The following VGLL4 variants were observed in gnomAD, a reference collection of about 807,000 sequenced individuals.
VGLL4 encodes the protein transcription cofactor vestigial-like protein 4.
VGLL4 carries 7 observed loss-of-function variants against 21.0 expected under a neutral mutation model. The ratio of observed to expected loss-of-function variants is 0.33; its 90% CI spans 0.19 to 0.63. The LOEUF is 0.63. Ranked by LOEUF, VGLL4 falls within the 20% of genes least tolerant of loss-of-function variation. The pLI is 0.78. For missense variants in VGLL4, 394 were observed against 425.7 expected (o/e 0.93, Z 0.66); for synonymous variants, 222 against 173.2 (o/e 1.28, Z -2.21).
At position 11,643,726 on chromosome 3, in the gene VGLL4, T is replaced by G; in HGVS notation, c.-208A>C. The G allele has an allele frequency of 7.1e-7, 1 of 1,400,590 alleles. No homozygotes were observed. Among genetic ancestry groups the G allele is most frequent in the African/African-American group, 1.5e-5 (1 of 68,694 alleles). 86.8% of individuals were successfully genotyped at this position (1,400,590 alleles called of 1,614,324 possible). A position where few individuals can be genotyped will look rare whatever the true frequency, so the allele number is the denominator to read the frequency against. ...AGCTCACACGAAACCCTTCAAGGGC[T>G]TACTGGTAGACGGTGTATGTACTGT... On this transcript the variant is annotated 5_prime_UTR_variant, in exon 1 of 5. Coordinates refer to ENST00000430365, the MANE Select transcript of VGLL4 (RefSeq NM_001128219.3).
At chr3:11,628,567 TC>T (rs2075405414) in intron 1 of VGLL4, among the ~76,000 whole-genome samples, 1 of 152,146 alleles carries the variant, frequency 6.6e-6, no homozygotes, top group African/African-American at 2.4e-5. Context: ...ACGCCTGTAA[TC>T]CCAGCACTTT....
chr3:11,716,844 G>C (rs2076925323), intron 1 of VGLL4, among the ~76,000 whole-genome samples: 1 of 151,876 alleles, frequency 6.6e-6, no homozygotes, highest in Non-Finnish European at 1.5e-5. Flanking sequence ...AAATGCTACA[G>C]ATTAGCAGCA....
chr3:11,675,232 C>T (rs186491670), intron 2 of VGLL4, among the ~76,000 whole-genome samples: 1 of 152,230 alleles, frequency 6.6e-6, no homozygotes, highest in Non-Finnish European at 1.5e-5. Flanking sequence ...ATCCCAGCTA[C>T]TCAGGAGGCT....
At chr3:11,692,112 G>A (rs1462350266) in intron 2 of VGLL4, among the ~76,000 whole-genome samples, 1 of 151,924 alleles carries the variant, frequency 6.6e-6, no homozygotes, top group Non-Finnish European at 1.5e-5. Flanking sequence ...GGATCTCTAA[G>A]GATTGTGAAA....
intron 1 of VGLL4, among the ~76,000 whole-genome samples, chr3:11,710,009 G>T (rs569277448): frequency 3.0e-4 from 45 of 152,326 alleles, no homozygotes; most frequent in African/African-American, 1.1e-3. Context: ...CAATCATAAT[G>T]GAAGGCAAAG....
At chr3:11,681,563 A>G (rs572705965) in intron 2 of VGLL4, among the ~76,000 whole-genome samples, 3 of 152,384 alleles carry the variant, frequency 2.0e-5, no homozygotes, top group Admixed American at 2.0e-4. Flanking sequence ...TTTGGGGCCC[A>G]TGAAAATTGT....
chr3:11,628,560 C>T (rs1255535389), intron 1 of VGLL4, among the ~76,000 whole-genome samples: 4 of 152,154 alleles, frequency 2.6e-5, no homozygotes, highest in Admixed American at 2.0e-4. Context: ...GTGGCTCACG[C>T]CTGTAATCCC....
intron 2 of VGLL4, among the ~76,000 whole-genome samples, chr3:11,587,367 G>C (rs959704203): frequency 2.0e-5 from 3 of 152,214 alleles, no homozygotes; most frequent in Non-Finnish European, 2.9e-5. Context: ...CAGCTTCTAG[G>C]TGACATGGAG....
At chr3:11,674,305 A>C (rs2076259295) in intron 2 of VGLL4, among the ~76,000 whole-genome samples, 1 of 152,196 alleles carries the variant, frequency 6.6e-6, no homozygotes, top group Non-Finnish European at 1.5e-5. Context: ...AAAGTGAAGG[A>C]TTCCCCAGAA....
intron 2 of VGLL4, among the ~76,000 whole-genome samples, chr3:11,671,848 G>T (rs937025795): frequency 1.3e-5 from 2 of 152,020 alleles, no homozygotes; most frequent in Admixed American, 6.6e-5. Flanking sequence ...TTTTAAAAAA[G>T]AATAGCATAT....
At chr3:11,654,364 C>T (rs80051158) in intron 2 of VGLL4, among the ~76,000 whole-genome samples, 1 of 152,172 alleles carries the variant, frequency 6.6e-6, no homozygotes, top group East Asian at 1.9e-4. Context: ...CGCGACAATG[C>T]GGAGATGAGG....
rs1025490641 is a variant in VGLL4 at position 11,653,628 on chromosome 3, T to C, written c.64+49343A>G. ...TGTCTCTTATCAGCCTCGGAATGCA[T>C]TTCTGTCGCACATGTACTCAGAAGC... On this transcript the variant is annotated intron_variant, in intron 2 of 5. Transcript: ENST00000273038. This position sits in a 1 kb window ranked among gnomAD's most constrained non-coding sequence, Gnocchi z 4.2. 1.3e-5 allele frequency among the ~76,000 whole-genome samples: 2 copies of C among 152,230 alleles called. No individual in the cohort carries two copies. The highest frequency in any genetic ancestry group is 2.9e-5 in the Non-Finnish European group (2 of 68,044).
intron 2 of VGLL4, among the ~76,000 whole-genome samples, chr3:11,569,185 C>T (rs954706158): frequency 2.0e-5 from 3 of 152,214 alleles, no homozygotes; most frequent in African/African-American, 7.2e-5. Flanking sequence ...CTCCAACAAA[C>T]GTGCTTTGGG....
intron 2 of VGLL4, among the ~76,000 whole-genome samples, chr3:11,661,117 G>C (rs1374318069): frequency 2.0e-5 from 3 of 152,296 alleles, no homozygotes; most frequent in South Asian, 4.1e-4. Flanking sequence ...CTGTCCTAGA[G>C]AGAAGAAATG....
intron 1 of VGLL4, among the ~76,000 whole-genome samples, chr3:11,638,416 T>C (rs558905637): frequency 6.6e-6 from 1 of 152,094 alleles, no homozygotes; most frequent in Non-Finnish European, 1.5e-5. Context: ...CACACCTTCC[T>C]TCACAAACTG....
At chr3:11,615,976 C>A (rs1575456653) in intron 1 of VGLL4, among the ~76,000 whole-genome samples, 1 of 152,226 alleles carries the variant, frequency 6.6e-6, no homozygotes, top group African/African-American at 2.4e-5. Flanking sequence ...CATCACCTCA[C>A]CCCTGGGGCT....
chr3:11,713,568 T>TTATATATATATATATATATATATTATTTA (rs10690353), intron 1 of VGLL4, among the ~76,000 whole-genome samples: 2 of 140,294 alleles, frequency 1.4e-5, no homozygotes. Flanking sequence ...TATATATTAT[T>TTATATATATATATATATATATATTATTTA]TATATATATA....
chr3:11,654,889 G>A (rs868607545), intron 2 of VGLL4, among the ~76,000 whole-genome samples: 8 of 152,090 alleles, frequency 5.3e-5, no homozygotes, highest in African/African-American at 7.2e-5. Context: ...TAGAATAAAC[G>A]GTTTTTGTTG....
chr3:11,706,365 G>A (rs887481272), intron 1 of VGLL4, among the ~76,000 whole-genome samples: 1 of 152,198 alleles, frequency 6.6e-6, no homozygotes, highest in African/African-American at 2.4e-5. Flanking sequence ...TCAGCAAAGT[G>A]CCCAGAAAAG....
Sources: allele counts gnomAD v4.1 joint callset (sites outside exome capture counted in the v4.1 genomes callset), GRCh38; gene constraint gnomAD v4.1.1; non-coding constraint Gnocchi (gnomAD v3.1); transcripts MANE v1.5; gene names NCBI Gene and HGNC (gene_info 2026-07-23, HGNC 2026-07-21).